The following DMD variants were observed in gnomAD, a reference collection of about 807,000 sequenced individuals.
DMD encodes mutant dystrophin.
In DMD, 63 loss-of-function variants were observed where a neutral mutation model predicts 330.1. The observed-to-expected ratio is 0.19, with a 90% CI of 0.16 to 0.24. The LOEUF is 0.24. Ranked by LOEUF, DMD falls within the 10% of genes least tolerant of loss-of-function variation. DMD has a pLI of 1.00. For synonymous variants in DMD, 1,223 were observed against 959.8 expected (o/e 1.27, Z -5.07); for missense variants, 3,344 against 2,684.1 (o/e 1.25, Z -5.43).
intron 47 of DMD, among the ~76,000 whole-genome samples, chrX:31,889,620 GTC>G (rs34605571): frequency 0.033 from 2,660 of 80,382 alleles, 44 homozygotes; most frequent in Middle Eastern, 0.088. Context: ...CTCTCTCTCT[GTC>G]TCTCTCTCTC....
At chrX:33,265,788 C>T (rs1402128195) in intron 1 of DMD, among the ~76,000 whole-genome samples, 1 of 111,457 alleles carries the variant, frequency 9.0e-6, no homozygotes, top group Non-Finnish European at 1.9e-5. Flanking sequence ...CACGTTAAAA[C>T]TCCTGAACTT....
At chrX:32,795,838 G>T (rs988631769) in intron 7 of DMD, among the ~76,000 whole-genome samples, 1 of 111,364 alleles carries the variant, frequency 9.0e-6, no homozygotes, top group East Asian at 2.8e-4. Context: ...AATGACCAAC[G>T]GGTATATGAA....
intron 4 of DMD, among the ~76,000 whole-genome samples, chrX:32,831,080 T>A (rs1424042926): frequency 9.0e-6 from 1 of 110,923 alleles, no homozygotes; most frequent in African/African-American, 3.3e-5. Flanking sequence ...ATTTAGTAAT[T>A]CTAAGATTAA....
At chrX:31,644,666 G>A (rs1342827236) in intron 54 of DMD, among the ~76,000 whole-genome samples, 1 of 112,126 alleles carries the variant, frequency 8.9e-6, no homozygotes, top group Non-Finnish European at 1.9e-5. Context: ...TCAATTAAGG[G>A]CTTGAAGTCA....
intron 4 of DMD, among the ~76,000 whole-genome samples, chrX:32,833,619 G>A (rs1290757020): frequency 1.9e-5 from 2 of 103,578 alleles, no homozygotes; most frequent in Non-Finnish European, 2.0e-5. Flanking sequence ...AATATAGGAT[G>A]TAACTTTAAC....
intron 50 of DMD, among the ~76,000 whole-genome samples, chrX:31,780,025 A>G (rs1455812147): frequency 9.0e-6 from 1 of 111,271 alleles, no homozygotes; most frequent in African/African-American, 3.3e-5. Flanking sequence ...AGGAACTCTT[A>G]TTTTTTTCAA....
At chrX:32,243,688 A>C (rs953112484) in intron 43 of DMD, among the ~76,000 whole-genome samples, 1 of 111,677 alleles carries the variant, frequency 9.0e-6, no homozygotes, top group Non-Finnish European at 1.9e-5. Context: ...CATTTAATGT[A>C]AGTTACCATA....
intron 1 of DMD, among the ~76,000 whole-genome samples, chrX:33,206,980 T>C (rs2051613642): frequency 9.0e-6 from 1 of 110,609 alleles, no homozygotes; most frequent in Non-Finnish European, 1.9e-5. Context: ...GTATCAAGCC[T>C]AGTACCCATT....
chrX:32,252,939 T>C (rs1283515834), intron 43 of DMD, among the ~76,000 whole-genome samples: 3 of 89,256 alleles, frequency 3.4e-5, no homozygotes, highest in Admixed American at 1.6e-4. Flanking sequence ...AATATATATA[T>C]ACATAAATAT....
At chrX:32,705,384 G>A (rs924758769) in intron 7 of DMD, among the ~76,000 whole-genome samples, 1 of 111,906 alleles carries the variant, frequency 8.9e-6, no homozygotes, top group African/African-American at 3.2e-5. Context: ...AATTAATAAC[G>A]ATAAAAAGTA....
At chrX:31,595,369 T>C (rs769749400) in intron 55 of DMD, among the ~76,000 whole-genome samples, 1 of 110,873 alleles carries the variant, frequency 9.0e-6, no homozygotes, top group East Asian at 2.8e-4. Flanking sequence ...GAGAGAGAAA[T>C]AGATGAATAT....
chrX:32,823,472 A>AGAGACCAAATGCCTAG, intron 4 of DMD, 85 bp from the exon 5 acceptor site: 1 of 675,599 alleles, frequency 1.5e-6, no homozygotes, highest in Non-Finnish European at 2.4e-6. Flanking sequence ...CGTGAAGGTA[A>AGAGACCAAATGCCTAG]TTGCATTTAG....
intron 9 of DMD, among the ~76,000 whole-genome samples, chrX:32,654,130 A>G (rs1362118760): frequency 1.8e-5 from 2 of 111,187 alleles, no homozygotes; most frequent in African/African-American, 6.6e-5. Flanking sequence ...TTCCTAATTG[A>G]ATACCCTTTA....
intron 1 of DMD, among the ~76,000 whole-genome samples, chrX:33,318,466 G>A (rs1410290833): frequency 4.4e-5 from 4 of 91,906 alleles, no homozygotes; most frequent in East Asian, 3.3e-4. Flanking sequence ...TTTTTTTTTC[G>A]AGACAGAGTC....
chrX:32,327,744 A>G (rs1278706584), intron 41 of DMD, among the ~76,000 whole-genome samples: 2 of 111,080 alleles, frequency 1.8e-5, no homozygotes, highest in African/African-American at 6.5e-5. Context: ...AAATTGTTCT[A>G]TTCTGTCCAG....
intron 34 of DMD, among the ~76,000 whole-genome samples, chrX:32,376,980 T>G (rs185054053): frequency 1.4e-3 from 157 of 111,744 alleles, no homozygotes; most frequent in Non-Finnish European, 2.2e-3. Context: ...ACCAAAACCC[T>G]AAAACTTTTG....
chrX:32,996,796 G>A (rs377098775), intron 2 of DMD, among the ~76,000 whole-genome samples: 2 of 105,201 alleles, frequency 1.9e-5, no homozygotes, highest in East Asian at 3.1e-4. Context: ...CACCTTGGGC[G>A]ACAGAGCAAG....
chrX:33,156,486 T>A (rs147295221), intron 1 of DMD, among the ~76,000 whole-genome samples: 293 of 112,107 alleles, frequency 2.6e-3, no homozygotes, highest in Non-Finnish European at 4.7e-3. Context: ...TCTATGCATA[T>A]GGTATGTGCT....
intron 62 of DMD, among the ~76,000 whole-genome samples, chrX:31,268,412 C>T (rs1408769144): frequency 8.9e-6 from 1 of 112,191 alleles, no homozygotes; most frequent in African/African-American, 3.2e-5. Context: ...TAAGTATGAT[C>T]GGTATTGCTA....
Sources: allele counts gnomAD v4.1 joint callset (sites outside exome capture counted in the v4.1 genomes callset), GRCh38; gene constraint gnomAD v4.1.1; transcripts MANE v1.5; gene names NCBI Gene and HGNC (gene_info 2026-07-23, HGNC 2026-07-21).